Variants in MYO5A observed in about 807,000 individuals in gnomAD.
MYO5A encodes myosin VA.
Under a neutral mutation model 249.7 loss-of-function variants are expected in MYO5A, and 98 were observed. The ratio of observed to expected loss-of-function variants is 0.39; its 90% CI spans 0.33 to 0.46. The LOEUF is 0.46. MYO5A is among the 20% of genes least tolerant of loss of function. MYO5A has a pLI of 0.98. For missense variants in MYO5A, 1,696 were observed against 2,308.8 expected, an observed-to-expected ratio of 0.73 and a Z score of 5.44; for synonymous variants, 778 against 810.6, an observed-to-expected ratio of 0.96 and a Z score of 0.68.
rs1336659783 is a variant in MYO5A at position 52,310,605 on chromosome 15, C to T, written c.*3091G>A. ...GGCTGATGGTAAGCACCAGGAAGGC[C>T]AGCAGGGGCAACTGAGGACTGACTC... On this transcript the variant is annotated 3_prime_UTR_variant, in exon 42 of 42. Transcript: ENST00000399233. 6.6e-6 allele frequency: 1 copy of T among 152,304 alleles called. No individual in the cohort carries two copies. The allele number at this position is 152,304 out of a possible 1,614,324, so 9.4% of individuals were successfully genotyped here.
At chr15:52,398,525 G>A (rs1817871142) in intron 9 of MYO5A, among the ~76,000 whole-genome samples, 1 of 152,078 alleles carries the variant, frequency 6.6e-6, no homozygotes, top group African/African-American at 2.4e-5. Context: ...TAGAACCTGG[G>A]TCTCCTTGAC....
At chr15:52,443,735 CTT>C (rs1480495618) in intron 1 of MYO5A, among the ~76,000 whole-genome samples, 1 of 150,836 alleles carries the variant, frequency 6.6e-6, no homozygotes, top group East Asian at 1.9e-4. Flanking sequence ...GTAAATCACA[CTT>C]TGGGAGGCCG....
chr15:52,317,444 T>G (rs1356414662), intron 39 of MYO5A, among the ~76,000 whole-genome samples: 2 of 152,214 alleles, frequency 1.3e-5, no homozygotes, highest in Non-Finnish European at 2.9e-5. Flanking sequence ...TGTAATTCTC[T>G]TTAATGGAAG....
chr15:52,457,274 T>C (rs2076136911), intron 1 of MYO5A, among the ~76,000 whole-genome samples: 1 of 151,952 alleles, frequency 6.6e-6, no homozygotes, highest in South Asian at 2.1e-4. Flanking sequence ...AAACCCTATC[T>C]CTACAAAAAA....
rs1442713097 is a variant in MYO5A, at chr15:52,352,313, G to C, written c.3622-832C>G. Among the ~76,000 whole-genome samples, 6 of 152,310 alleles carry C rather than the reference G, an allele frequency of 3.9e-5. 1 individual carries two copies. In the South Asian group the frequency reaches 8.3e-4, roughly 21 times the overall value. ...CACAAGTGTCACAAGATACTGGTTG[G>C]GAAACACAGATGCAGACAGGCACTT... On this transcript the variant is annotated intron_variant, in intron 27 of 41. Coordinates refer to ENST00000399233, the MANE Select transcript of MYO5A (RefSeq NM_001382347.1).
At chr15:52,511,690 C>T (rs2077392709) in intron 1 of MYO5A, among the ~76,000 whole-genome samples, 2 of 152,134 alleles carry the variant, frequency 1.3e-5, no homozygotes, top group African/African-American at 4.8e-5. Flanking sequence ...CTAACTGGCC[C>T]GCTGATTAAT....
intron 1 of MYO5A, among the ~76,000 whole-genome samples, chr15:52,438,423 GA>G (rs2075713089): frequency 6.6e-6 from 1 of 152,164 alleles, no homozygotes; most frequent in African/African-American, 2.4e-5. Flanking sequence ...GAAGCAGTTA[GA>G]AAACAATAAC....
At chr15:52,508,834 T>A (rs981889699) in intron 1 of MYO5A, among the ~76,000 whole-genome samples, 1 of 152,220 alleles carries the variant, frequency 6.6e-6, no homozygotes, top group African/African-American at 2.4e-5. Flanking sequence ...ATACATAAGA[T>A]CCTTGCATAT....
chr15:52,360,054 T>C lies in MYO5A; in HGVS notation c.3337A>G (p.Thr1113Ala), dbSNP rs1596340716. Residue 1113 changes from threonine to alanine, a missense_variant, in exon 25 of 42, where the codon ACA becomes GCA. Thr to Ala is a moderately conservative substitution (Grantham distance 58, BLOSUM62 0). Transcript: ENST00000399233. Reference sequence around the variant, plus strand: ...TCGTTGCTGCTGTGGGTGGAGTCTGTTCTCTTGTGTCCAGGCTTAGGCACA... The same window carrying C: ...TCGTTGCTGCTGTGGGTGGAGTCTGCTCTCTTGTGTCCAGGCTTAGGCACA... ...VHVPKPGHKR[T>A]DSTHSSNESE... is the part of the protein sequence containing the mutation. 1.9e-6 allele frequency: 3 copies of C among 1,613,592 alleles called. No homozygotes were observed. The highest frequency in any genetic ancestry group is 1.3e-5 in the African/African-American group (1 of 75,022).
At position 52,397,245 on chromosome 15, in the gene MYO5A, A is replaced by G; in HGVS notation, c.1275T>C (p.Ser425=). ...IVDNVNQALH[S]AVKQHSFIGV... is the part of the protein sequence containing the mutation. ...CAATAAAAGAGTGCTGTTTGACAGC[A>G]GAATGGAGAGCCTGATTGACATTAT... The change falls in exon 10 of 42, where the codon TCT becomes TCC. Residue 425 remains serine (S), a synonymous_variant. Coordinates refer to ENST00000399233, the MANE Select transcript of MYO5A (RefSeq NM_001382347.1). 2 of 1,614,156 alleles carry G rather than the reference A, an allele frequency of 1.2e-6. No homozygotes were observed. The highest frequency in any genetic ancestry group is 1.7e-6 in the Non-Finnish European group (2 of 1,179,998).
In MYO5A at chr15:52,317,236, G is replaced by C. The variant is rs2038066031; in HGVS notation, c.5235-14C>G. 2 of 1,612,492 alleles carry C rather than the reference G, an allele frequency of 1.2e-6. No individual in the cohort carries two copies. The highest frequency in any genetic ancestry group is 4.5e-5 in the East Asian group (2 of 44,864). ...CTGACATTGTACCTATGAAAAAAAA[G>C]AGATACAGAGAATGCAAATTTGCTG... On this transcript the variant is annotated splice_polypyrimidine_tract_variant and intron_variant, in intron 39 of 41. Coordinates refer to ENST00000399233, the MANE Select transcript of MYO5A (RefSeq NM_001382347.1).
chr15:52,428,653 C>A, intron 2 of MYO5A, 84 bp from the exon 3 acceptor site: 2 of 1,397,500 alleles, frequency 1.4e-6, no homozygotes, highest in Non-Finnish European at 2.0e-6. Flanking sequence ...ACTTCCTATT[C>A]CTGATTTGCT....
intron 30 of MYO5A, among the ~76,000 whole-genome samples, chr15:52,344,547 T>C (rs1375407460): frequency 2.0e-5 from 3 of 152,218 alleles, no homozygotes; most frequent in African/African-American, 7.2e-5. Context: ...GTCCCATTTC[T>C]GTCAATCCTA....
At chr15:52,469,433 G>A (rs1442107306) in intron 1 of MYO5A, among the ~76,000 whole-genome samples, 1 of 152,150 alleles carries the variant, frequency 6.6e-6, no homozygotes, top group Non-Finnish European at 1.5e-5. Context: ...AGTGGAAGTG[G>A]AGAATCATAA....
chr15:52,513,591 A>ATT (rs891644766), intron 1 of MYO5A, among the ~76,000 whole-genome samples: 7 of 145,384 alleles, frequency 4.8e-5, no homozygotes, highest in African/African-American at 1.7e-4. Flanking sequence ...CGTCCAGCTA[A>ATT]TTTTTTTTTT....
intron 36 of MYO5A, among the ~76,000 whole-genome samples, chr15:52,326,718 T>C (rs934105428): frequency 2.0e-5 from 3 of 152,234 alleles, no homozygotes; most frequent in African/African-American, 7.2e-5. Context: ...TTATGTTATG[T>C]ATGTTTTACC....
Position 52,314,165 on chromosome 15 carries a change from C to T in MYO5A, c.5448G>A (p.Glu1816=), listed in dbSNP as rs748490951. 7 of 1,612,338 alleles carry T rather than the reference C, an allele frequency of 4.3e-6. No individual in the cohort carries two copies. In the African/African-American group the frequency reaches 9.4e-5, roughly 22 times the overall value. Residue 1816 remains glutamate (E), a synonymous_variant, in exon 41 of 42, where the codon GAG becomes GAA. Transcript: ENST00000399233. ...ACGACACAGAGACTCTTTCTTCAAACTCATTAACTGGAGTATACAAATTCA... is the reference window on the plus strand; with the variant it reads ...ACGACACAGAGACTCTTTCTTCAAATTCATTAACTGGAGTATACAAATTCA... ...KVLNLYTPVN[E]FEERVSVSFI... is the part of the protein sequence containing the mutation.
intron 2 of MYO5A, among the ~76,000 whole-genome samples, chr15:52,429,974 T>C (rs2075490271): frequency 1.3e-5 from 2 of 152,248 alleles, no homozygotes; most frequent in South Asian, 4.1e-4. Context: ...CACTTAACTA[T>C]ATAAAGGGGC....
In MYO5A at chr15:52,351,361, G is replaced by C; in HGVS notation, c.3742C>G (p.Leu1248Val). ...TAPGAPAYRV[L>V]MEQLTSVSEE... The stretch of plus-strand genomic sequence containing the variant: ...CTCACAGAGGTCAGCTGCTCCATGA[G>C]GACACGGTAGGCAGGTGCACCTGGG... Residue 1248 changes from leucine to valine, a missense_variant, in exon 28 of 42, where the codon CTC (leucine) becomes GTC (valine). Coordinates refer to ENST00000399233, the MANE Select transcript of MYO5A (RefSeq NM_001382347.1). 2 of 1,614,202 alleles carry C rather than the reference G, an allele frequency of 1.2e-6. No individual in the cohort carries two copies. The highest frequency in any genetic ancestry group is 1.7e-6 in the Non-Finnish European group (2 of 1,180,038).
Sources: allele counts gnomAD v4.1 joint callset (sites outside exome capture counted in the v4.1 genomes callset), GRCh38; gene constraint gnomAD v4.1.1; transcripts MANE v1.5; gene names NCBI Gene and HGNC (gene_info 2026-07-23, HGNC 2026-07-21).